Variants in AFF1 observed in about 807,000 individuals in gnomAD.
AFF1 encodes the protein ALF transcription elongation factor 1.
Under a neutral mutation model 121.7 loss-of-function variants are expected in AFF1, and 48 were observed. The ratio of observed to expected loss-of-function variants is 0.39; its 90% CI spans 0.31 to 0.50. The LOEUF (loss-of-function observed/expected upper bound fraction) is 0.50. Ranked by LOEUF, AFF1 falls within the 20% of genes least tolerant of loss-of-function variation. AFF1 has a pLI of 0.76. For synonymous variants in AFF1, 613 were observed against 563.0 expected (o/e 1.09, Z -1.26); for missense variants, 1,523 against 1,511.7 (o/e 1.01, Z -0.12).
At chr4:87,117,280 G>C (rs1327760980) in intron 12 of AFF1, among the ~76,000 whole-genome samples, 2 of 152,190 alleles carry the variant, frequency 1.3e-5, no homozygotes, top group Non-Finnish European at 2.9e-5. Flanking sequence ...TTATCTTTCT[G>C]TTTAGAGCAT....
At chr4:87,113,726 A>T (rs1307165735) in intron 11 of AFF1, among the ~76,000 whole-genome samples, 1 of 152,184 alleles carries the variant, frequency 6.6e-6, no homozygotes. Context: ...TTTTAAGTAA[A>T]TGAGAGAAAT....
chr4:87,121,518 A>T (rs555432878), intron 12 of AFF1, among the ~76,000 whole-genome samples: 1 of 152,152 alleles, frequency 6.6e-6, no homozygotes, highest in Non-Finnish European at 1.5e-5. Flanking sequence ...CCGAGTGCCT[A>T]CTCTGGGGAA....
intron 5 of AFF1, among the ~76,000 whole-genome samples, chr4:87,086,339 G>C: frequency 6.6e-6 from 1 of 152,120 alleles, no homozygotes; most frequent in South Asian, 2.1e-4. Flanking sequence ...GTTGAAATAA[G>C]ACATGTCACA....
chr4:86,994,470 G>C (rs1305362925), intron 2 of AFF1, among the ~76,000 whole-genome samples: 7 of 152,206 alleles, frequency 4.6e-5, no homozygotes, highest in Admixed American at 4.6e-4. Context: ...TATGCAATCT[G>C]GGGGCAGATC....
At chr4:87,027,748 C>G (rs1261182916) in intron 2 of AFF1, among the ~76,000 whole-genome samples, 1 of 150,414 alleles carries the variant, frequency 6.6e-6, no homozygotes, top group East Asian at 1.9e-4. Context: ...CCTAAACATT[C>G]CAAAATCTGA....
chr4:87,053,891 A>T (rs1731501617), intron 4 of AFF1, among the ~76,000 whole-genome samples: 2 of 152,252 alleles, frequency 1.3e-5, no homozygotes, highest in Non-Finnish European at 2.9e-5. Flanking sequence ...AGAACTAAGG[A>T]GCTGAGGAAG....
At chr4:86,968,823 A>G (rs553442574) in intron 2 of AFF1, among the ~76,000 whole-genome samples, 13 of 152,332 alleles carry the variant, frequency 8.5e-5, no homozygotes, top group African/African-American at 2.9e-4. Context: ...AGGAGAATCA[A>G]CAGGTGTCAC....
intron 2 of AFF1, among the ~76,000 whole-genome samples, chr4:86,962,947 C>G (rs750340618): frequency 3.9e-5 from 6 of 152,030 alleles, no homozygotes; most frequent in Non-Finnish European, 5.9e-5. Context: ...GGGTGGATCA[C>G]TTGAGGCCAG....
intron 2 of AFF1, among the ~76,000 whole-genome samples, chr4:87,043,855 G>C (rs149901483): frequency 1.8e-3 from 268 of 151,408 alleles, no homozygotes; most frequent in African/African-American, 6.1e-3. Context: ...GTCTCGCGCT[G>C]TTGCCCCGGC....
In AFF1 at chr4:87,105,824, C is replaced by T; in HGVS notation, c.1355C>T (p.Pro452Leu). ...AATGCCTAGACCCCAGAGAAGCCTC[C>T]CTCCTCATCTGCACCTCCAAGGTAC... ...SDSEQTPEKP[P>L]SSSAPPSAPQ... Residue 452 changes from proline (P) to leucine (L), a missense_variant, in exon 10 of 21, where the codon CCC becomes CTC. Physicochemically the swap from Pro to Leu is moderately conservative, Grantham distance 98 (BLOSUM62 -3). Around this residue, in one of 5 missense-constraint regions of AFF1, gnomAD observed 905 missense variants for 842.5 expected, o/e 1.07. Coordinates refer to ENST00000395146, the MANE Select transcript of AFF1 (RefSeq NM_001166693.3). 6.2e-7 allele frequency: 1 copy of T among 1,614,134 alleles called. No homozygotes were observed. The highest frequency in any genetic ancestry group is 1.1e-5 in the South Asian group (1 of 91,084).
chr4:87,022,346 A>G (rs1225290617), intron 2 of AFF1, among the ~76,000 whole-genome samples: 3 of 151,728 alleles, frequency 2.0e-5, no homozygotes. Flanking sequence ...ATATTAACAC[A>G]CTGACACTTA....
chr4:86,964,642 C>A (rs1346227886), intron 2 of AFF1, among the ~76,000 whole-genome samples: 1 of 151,464 alleles, frequency 6.6e-6, no homozygotes, highest in Non-Finnish European at 1.5e-5. Flanking sequence ...CCACGTTGGT[C>A]AGGCTGGTCT....
At position 87,061,096 on chromosome 4, in the gene AFF1, T is replaced by C. The variant is rs189641859; in HGVS notation, c.1059+13502T>C. ...CCTAATTGAGTCTTTTATTATGTTA[T>C]GACTCACCTGTAGTTCAGATTTATT... On this transcript the variant is annotated intron_variant, in intron 4 of 20. Transcript: ENST00000395146. 6.6e-5 allele frequency among the ~76,000 whole-genome samples: 10 copies of C among 152,352 alleles called. No individual in the cohort carries two copies. In the East Asian group the frequency reaches 1.2e-3, roughly 18 times the overall value.
Position 87,108,204 on chromosome 4 carries a change from C to T in AFF1, c.1422C>T (p.Ser474=), listed in dbSNP as rs1726117073. ...AACCAGTGGCATCAGCACATTCCAG[C>T]AGTGCAGAGTCAGAAAGCACCAGTG... The part of the protein sequence containing the change: ...LPEPVASAHS[S]SAESESTSDS... The change falls in exon 11 of 21, where the codon AGC becomes AGT. Residue 474 remains serine, a synonymous_variant. Transcript: ENST00000395146. The T allele has an allele frequency of 6.2e-7, 1 of 1,614,132 alleles. No homozygotes were observed. The highest frequency in any genetic ancestry group is 8.5e-7 in the Non-Finnish European group (1 of 1,180,010).
At chr4:87,039,316 G>T (rs1226452370) in intron 2 of AFF1, among the ~76,000 whole-genome samples, 2 of 152,176 alleles carry the variant, frequency 1.3e-5, no homozygotes, top group African/African-American at 4.8e-5. Context: ...TGAAAAGTCA[G>T]TAAATGTGCC....
Position 87,114,497 on chromosome 4 carries a change from G to A in AFF1, c.1664G>A (p.Ser555Asn), listed in dbSNP as rs1273449420. The A allele has an allele frequency of 1.9e-6, 3 of 1,613,724 alleles. No individual in the cohort carries two copies. The highest frequency in any genetic ancestry group is 2.5e-6 in the Non-Finnish European group (3 of 1,179,974). Reference protein sequence around the residue: ...PRRHPESKGSSDSATSQEHSE... With the variant: ...PRRHPESKGSNDSATSQEHSE... ...CGGCACCCAGAGAGTAAGGGCAGCAGCGACAGTGCCACGAGTCAGGAGCAT... is the reference window on the plus strand; with the variant it reads ...CGGCACCCAGAGAGTAAGGGCAGCAACGACAGTGCCACGAGTCAGGAGCAT... The change falls in exon 12 of 21, where the codon AGC (serine) becomes AAC (asparagine). Residue 555 changes from serine to asparagine, a missense_variant. Ser to Asn is a conservative substitution (Grantham distance 46). Around this residue, in one of 5 missense-constraint regions of AFF1, gnomAD observed 905 missense variants for 842.5 expected, o/e 1.07. Transcript: ENST00000395146.
chr4:87,124,945 T>G, intron 12 of AFF1, 92 bp from the exon 13 acceptor site: 6 of 1,094,714 alleles, frequency 5.5e-6, no homozygotes, highest in Non-Finnish European at 7.7e-6. Flanking sequence ...CAAAGGTTCC[T>G]TTACCCTCTT....
At position 87,134,510 on chromosome 4, in the gene AFF1, T is replaced by C. The variant is rs1463416777; in HGVS notation, c.3351T>C (p.Ser1117=). ...CATCCCCTCTTTCCCCAATGCCTTC[T>C]CCTGCCAGCTCCGTAGGGTCCCAGT... The part of the protein sequence containing the change: ...GTPSPLSPMP[S]PASSVGSQSS... Residue 1117 remains serine (S), a synonymous_variant, in exon 20 of 21, where the codon TCT becomes TCC. Transcript: ENST00000395146. The C allele has an allele frequency of 1.2e-6, 2 of 1,612,036 alleles. No homozygotes were observed. The highest frequency in any genetic ancestry group is 1.7e-6 in the Non-Finnish European group (2 of 1,179,170).
Position 87,108,161 on chromosome 4 carries a change from C to A in AFF1, c.1379C>A (p.Ala460Asp), listed in dbSNP as rs778347005. 1.1e-5 allele frequency: 18 copies of A among 1,613,272 alleles called. No homozygotes were observed. The East Asian group carries it at 3.1e-4, about 28-fold the overall frequency. Residue 460 changes from alanine to aspartate, a missense_variant and splice_region_variant, in exon 11 of 21, where the codon GCT becomes GAT. By Grantham distance (126) the Ala-to-Asp change is moderately radical. Transcript: ENST00000395146. ...TTTATCTTTTGGTTGCTTTGCAGTG[C>A]TCCACAGTCCCTTCCAGAACCAGTG... is the stretch of plus-strand genomic sequence containing the variant. ...KPPSSSAPPSAPQSLPEPVAS... is the reference protein window; with the variant it reads ...KPPSSSAPPSDPQSLPEPVAS...
Sources: allele counts gnomAD v4.1 joint callset (sites outside exome capture counted in the v4.1 genomes callset), GRCh38; gene constraint gnomAD v4.1.1; regional missense constraint gnomAD v4.1.1; transcripts MANE v1.5; gene names NCBI Gene and HGNC (gene_info 2026-07-23, HGNC 2026-07-21).